Variants in KAZN observed in about 807,000 individuals in gnomAD.
The protein encoded by KAZN is kazrin, periplakin interacting protein.
KAZN carries 40 observed loss-of-function variants against 87.4 expected under a neutral mutation model. The observed-to-expected ratio is 0.46, with a 90% CI of 0.36 to 0.60. The LOEUF is 0.60. KAZN is among the 20% of genes least tolerant of loss of function. The pLI, the probability that KAZN is intolerant of heterozygous loss-of-function variation, is 0.00. For synonymous variants in KAZN, 466 were observed against 458.3 expected (o/e 1.02, Z -0.22); for missense variants, 898 against 1,073.9 (o/e 0.84, Z 2.29).
intron 2 of KAZN, among the ~76,000 whole-genome samples, chr1:14,212,657 A>G (rs647287): frequency 0.47 from 71,296 of 151,830 alleles, 18,036 homozygotes; most frequent in Non-Finnish European, 0.57. Flanking sequence ...GTATATCCAG[A>G]AGAATTCCTT....
At chr1:14,764,551 C>A (rs61772268) in intron 1 of KAZN, among the ~76,000 whole-genome samples, 16,302 of 152,004 alleles carry the variant, frequency 0.11, 1,221 homozygotes, top group Non-Finnish European at 0.16. Context: ...CAGGTAGATA[C>A]GGTTGCCTGT....
chr1:14,687,061 G>A lies in KAZN; in HGVS notation c.226+87838G>A, dbSNP rs144501660. Among the ~76,000 whole-genome samples the A allele has an allele frequency of 2.6e-3, 403 of 152,320 alleles. 2 individuals are homozygous for A. The highest frequency in any genetic ancestry group is 9.0e-3 in the African/African-American group (376 of 41,562). ...CAGGACACTAATGTGGGGGTGGCTGGTGTGCTGCACTTGCTCCCCTCTGAA... is the reference window on the plus strand; with the variant it reads ...CAGGACACTAATGTGGGGGTGGCTGATGTGCTGCACTTGCTCCCCTCTGAA... On this transcript the variant is annotated intron_variant, in intron 1 of 14. Coordinates refer to ENST00000376030, the MANE Select transcript of KAZN (RefSeq NM_201628.3).
At chr1:14,283,481 A>G (rs1306676514) in intron 2 of KAZN, among the ~76,000 whole-genome samples, 1 of 152,260 alleles carries the variant, frequency 6.6e-6, no homozygotes, top group Non-Finnish European at 1.5e-5. Context: ...CAATAAATGT[A>G]TGAAAAGATG....
chr1:13,929,742 T>C (rs1364083014), intron 1 of KAZN, among the ~76,000 whole-genome samples: 1 of 152,208 alleles, frequency 6.6e-6, no homozygotes, highest in African/African-American at 2.4e-5. Flanking sequence ...TGATATTTTC[T>C]GGGAAAAGAT....
chr1:14,040,983 C>T (rs529655000), intron 1 of KAZN, among the ~76,000 whole-genome samples: 5 of 152,132 alleles, frequency 3.3e-5, no homozygotes, highest in Admixed American at 1.3e-4. Flanking sequence ...AAGTAATGCA[C>T]ATGTATAGTT....
intron 1 of KAZN, among the ~76,000 whole-genome samples, chr1:13,989,623 G>A (rs1275034362): frequency 2.0e-5 from 3 of 152,134 alleles, no homozygotes; most frequent in African/African-American, 7.2e-5. Flanking sequence ...ACTCTATGTA[G>A]TATTCTAGGT....
intron 1 of KAZN, among the ~76,000 whole-genome samples, chr1:13,940,852 GA>G: frequency 6.6e-6 from 1 of 152,172 alleles, no homozygotes; most frequent in Non-Finnish European, 1.5e-5. Context: ...CAAAGAATAT[GA>G]ATTATATTTA....
intron 2 of KAZN, among the ~76,000 whole-genome samples, chr1:15,018,362 A>C (rs527801947): frequency 7.2e-5 from 11 of 152,106 alleles, no homozygotes; most frequent in African/African-American, 2.7e-4. Flanking sequence ...GCACCCCTCC[A>C]ATTAACGGGA....
At chr1:14,406,592 T>G (rs1449311188) in intron 2 of KAZN, among the ~76,000 whole-genome samples, 4 of 152,146 alleles carry the variant, frequency 2.6e-5, no homozygotes, top group African/African-American at 9.7e-5. Flanking sequence ...GGGTTCAGTG[T>G]ATACTGCTTG....
At chr1:14,410,685 G>A (rs1013380736) in intron 2 of KAZN, among the ~76,000 whole-genome samples, 2 of 152,232 alleles carry the variant, frequency 1.3e-5, no homozygotes, top group African/African-American at 4.8e-5. Flanking sequence ...TGAGAGGGAA[G>A]TAGGGGAGAT....
intron 1 of KAZN, among the ~76,000 whole-genome samples, chr1:14,173,849 G>A (rs1358174715): frequency 6.6e-6 from 1 of 152,188 alleles, no homozygotes; most frequent in Non-Finnish European, 1.5e-5. Flanking sequence ...GGACTTGGGA[G>A]TGGAATCAGC....
intron 2 of KAZN, among the ~76,000 whole-genome samples, chr1:14,450,944 G>A (rs548317877): frequency 2.0e-5 from 3 of 152,100 alleles, no homozygotes; most frequent in South Asian, 2.1e-4. Context: ...CTGTCCTCCC[G>A]ATAGTGAGCC....
rs1663331283 is a variant in KAZN, at chr1:14,400,755, A to C, written c.250-198228A>C. 2.0e-5 allele frequency among the ~76,000 whole-genome samples: 3 copies of C among 152,176 alleles called. No homozygotes were observed. In the South Asian group the frequency reaches 6.2e-4, roughly 31 times the overall value. Reference sequence around the variant, plus strand: ...CCCGGCCCCTGCTGCATTGCCCATCACTTGGGATCTTAAGTAACAGCACTT... The same window carrying C: ...CCCGGCCCCTGCTGCATTGCCCATCCCTTGGGATCTTAAGTAACAGCACTT... On this transcript the variant is annotated intron_variant, in intron 2 of 16. Transcript: ENST00000636203.
intron 2 of KAZN, among the ~76,000 whole-genome samples, chr1:14,568,941 G>A (rs1021534215): frequency 6.6e-6 from 1 of 152,144 alleles, no homozygotes; most frequent in Admixed American, 6.5e-5. Context: ...TTAGCCCTGG[G>A]GAAATTAAGG....
At chr1:14,924,415 G>A in intron 1 of KAZN, 1 of 988,424 alleles carries the variant, frequency 1.0e-6, no homozygotes, top group Non-Finnish European at 1.2e-6. Flanking sequence ...AGCTCGCGGC[G>A]CAGGGCGAGC....
In KAZN at chr1:14,818,624, ACTC is replaced by A. The variant is rs1359110810; in HGVS notation, c.227-142054_227-142052del. Among the ~76,000 whole-genome samples the A allele has an allele frequency of 6.8e-5, 10 of 147,512 alleles. No homozygotes were observed. The South Asian group carries it at 1.9e-3, about 28-fold the overall frequency. On this transcript the variant is annotated intron_variant, in intron 1 of 14. Coordinates refer to ENST00000376030, the MANE Select transcript of KAZN (RefSeq NM_201628.3). ...TGCAAAGGCAGGCTGCACCCTCTAG[ACTC>A]CTCCTGGTGTCTCCCATTGGCCAAA...
chr1:14,319,015 TTTATTTATTTATTTA>T (rs1557636844), intron 2 of KAZN, among the ~76,000 whole-genome samples: 290 of 24,346 alleles, frequency 0.012, 2 homozygotes, highest in African/African-American at 0.02. Context: ...TTTATTTTTA[TTTATTTATTTATTTA>T]TTTATTTATT....
chr1:14,881,113 T>C (rs1653294069), intron 1 of KAZN, among the ~76,000 whole-genome samples: 1 of 152,208 alleles, frequency 6.6e-6, no homozygotes, highest in South Asian at 2.1e-4. Flanking sequence ...GCCAAATTGC[T>C]CTTTCCCAAT....
At chr1:15,063,913 C>T (rs141916517) in intron 7 of KAZN, among the ~76,000 whole-genome samples, 109 of 152,332 alleles carry the variant, frequency 7.2e-4, no homozygotes, top group African/African-American at 2.5e-3. Flanking sequence ...TATGCCACTT[C>T]TGGAGTCTCA....
Sources: gnomAD v4.1 joint callset for allele counts (sites outside exome capture counted in the v4.1 genomes callset) on GRCh38, gnomAD v4.1.1 for gene constraint, MANE v1.5 for transcripts, NCBI Gene and HGNC (gene_info 2026-07-23, HGNC 2026-07-21) for gene names.